Variants in OCIAD1 observed in about 807,000 individuals in gnomAD.
The protein encoded by OCIAD1 is OCIA domain-containing protein 1.
Under a neutral mutation model 38.9 loss-of-function variants are expected in OCIAD1, and 29 were observed. The ratio of observed to expected loss-of-function variants is 0.74; its 90% CI spans 0.55 to 1.02. The LOEUF is 1.02. Ranked by LOEUF, OCIAD1 falls within the 50% of genes least tolerant of loss-of-function variation. OCIAD1 has a pLI of 0.00. For missense variants in OCIAD1, 288 were observed against 289.6 expected (o/e 0.99, Z 0.04); for synonymous variants, 110 against 92.0 (o/e 1.20, Z -1.12).
chr4:48,836,759 C>T (rs988548790), intron 3 of OCIAD1, among the ~76,000 whole-genome samples: 4 of 152,148 alleles, frequency 2.6e-5, no homozygotes, highest in Non-Finnish European at 2.9e-5. Flanking sequence ...CACCAATATT[C>T]AGAGACTTGC....
At chr4:48,834,017 T>C (rs34552297) in intron 3 of OCIAD1, among the ~76,000 whole-genome samples, 1 of 152,226 alleles carries the variant, frequency 6.6e-6, no homozygotes, top group South Asian at 2.1e-4. Flanking sequence ...TATATATTTG[T>C]GTATATATAT....
At chr4:48,817,527 C>T (rs548730669) in intron 1 of OCIAD1, among the ~76,000 whole-genome samples, 20 of 152,014 alleles carry the variant, frequency 1.3e-4, no homozygotes, top group Admixed American at 2.0e-4. Context: ...GAGCTAACTG[C>T]AGAAGTATTT....
At chr4:48,819,746 GA>G (rs1777175125) in intron 1 of OCIAD1, among the ~76,000 whole-genome samples, 2 of 19,422 alleles carry the variant, frequency 1.0e-4, no homozygotes, top group African/African-American at 1.4e-4. Context: ...AAAAAAAAAG[GA>G]GGGGTTGCAA....
At chr4:48,844,961 GT>G (rs1035058196) in intron 4 of OCIAD1, among the ~76,000 whole-genome samples, 5 of 149,650 alleles carry the variant, frequency 3.3e-5, no homozygotes, top group Non-Finnish European at 4.5e-5. Flanking sequence ...TATAGATGCA[GT>G]TTTTTTTTTC....
chr4:48,829,976 A>G (rs916789600), upstream of OCIAD1, among the ~76,000 whole-genome samples: 6 of 152,238 alleles, frequency 3.9e-5, no homozygotes, highest in African/African-American at 1.4e-4. Flanking sequence ...ATTTCAGGGA[A>G]GGCATCACAA....
At chr4:48,852,111 T>C (rs1184917451) in intron 7 of OCIAD1, 136 bp downstream of exon 7, 8 of 643,074 alleles carry the variant, frequency 1.2e-5, no homozygotes, top group Non-Finnish European at 1.8e-5. Context: ...GCATGTTTGT[T>C]CATTTGTTTC....
At chr4:48,826,137 C>A (rs1220727973), upstream of OCIAD1, among the ~76,000 whole-genome samples, 2 of 152,042 alleles carry the variant, frequency 1.3e-5, no homozygotes, top group East Asian at 3.9e-4. Context: ...TGTGCTTGGC[C>A]TCCCTCCTAT....
chr4:48,821,751 T>C (rs1157936307), intron 1 of OCIAD1, among the ~76,000 whole-genome samples: 1 of 151,918 alleles, frequency 6.6e-6, no homozygotes, highest in Non-Finnish European at 1.5e-5. Context: ...ACACCAACAA[T>C]AGACAAGCAG....
At chr4:48,843,919 G>T (rs905502409) in intron 4 of OCIAD1, among the ~76,000 whole-genome samples, 24 of 152,176 alleles carry the variant, frequency 1.6e-4, no homozygotes, top group African/African-American at 3.9e-4. Flanking sequence ...TTCACTGGAG[G>T]AAACAAATGG....
intron 1 of OCIAD1, 134 bp from the exon 2 acceptor site, chr4:48,832,486 A>T: frequency 2.9e-6 from 2 of 698,128 alleles, no homozygotes; most frequent in South Asian, 3.3e-5. Flanking sequence ...TACGTAAGAT[A>T]TAGTAGTGTT....
intron 7 of OCIAD1, chr4:48,852,265 A>G (rs758866809): frequency 1.6e-5 from 4 of 256,848 alleles, no homozygotes; most frequent in Non-Finnish European, 2.2e-5. Flanking sequence ...AATTACTAGT[A>G]TGTCCCAGTA....
intron 8 of OCIAD1, among the ~76,000 whole-genome samples, chr4:48,859,764 C>G (rs1020477107): frequency 6.6e-6 from 1 of 152,104 alleles, no homozygotes; most frequent in Non-Finnish European, 1.5e-5. Flanking sequence ...GAAAGTGTCA[C>G]TTAAAGTTTT....
At chr4:48,826,515 G>C (rs373791702), upstream of OCIAD1, among the ~76,000 whole-genome samples, 3 of 152,094 alleles carry the variant, frequency 2.0e-5, no homozygotes, top group East Asian at 5.8e-4. Flanking sequence ...AGTATTCCTG[G>C]AATACTATAT....
Position 48,831,202 on chromosome 4 carries a change from C to T in OCIAD1, c.-53C>T, listed in dbSNP as rs181193258. ...GAGTCCACCCTCCGGGCCTTCTGCC[C>T]CTGATCGCTTGGTTTTCCTTGCAGT... is the stretch of plus-strand genomic sequence containing the variant. On this transcript the variant is annotated 5_prime_UTR_variant, in exon 1 of 9. Coordinates refer to ENST00000264312, the MANE Select transcript of OCIAD1 (RefSeq NM_017830.4). The T allele has an allele frequency of 2.7e-5, 9 of 338,632 alleles. No homozygotes were observed. In the East Asian group the frequency reaches 7.0e-4, roughly 26 times the overall value. 21.0% of individuals were successfully genotyped at this position (338,632 alleles called of 1,614,324 possible). A position where few individuals can be genotyped will look rare whatever the true frequency, so the allele number is the denominator to read the frequency against.
At chr4:48,830,249 G>C (rs1382580433), upstream of OCIAD1, among the ~76,000 whole-genome samples, 3 of 152,192 alleles carry the variant, frequency 2.0e-5, no homozygotes, top group Non-Finnish European at 4.4e-5. Context: ...TTCGTTTCAC[G>C]TGACTGTCTC....
At chr4:48,821,916 C>T (rs1461696567) in intron 1 of OCIAD1, among the ~76,000 whole-genome samples, 2 of 152,324 alleles carry the variant, frequency 1.3e-5, no homozygotes, top group East Asian at 3.9e-4. Context: ...AATGGAAAAA[C>T]ATTCCATGCT....
At chr4:48,827,838 T>C (rs75386701), upstream of OCIAD1, among the ~76,000 whole-genome samples, 1,009 of 152,356 alleles carry the variant, frequency 6.6e-3, 14 homozygotes, top group African/African-American at 0.023. Flanking sequence ...TGAAGCCAGC[T>C]GGGCTCCAGA....
At chr4:48,825,751 G>A (rs1391429131) in intron 1 of OCIAD1, among the ~76,000 whole-genome samples, 1 of 152,006 alleles carries the variant, frequency 6.6e-6, no homozygotes, top group East Asian at 1.9e-4. Flanking sequence ...TCTTGCTCTT[G>A]TATTTTCTCT....
chr4:48,833,321 A>AGGCTAAG (rs1777694231), intron 2 of OCIAD1, 80 bp from the exon 3 acceptor site: 1 of 826,466 alleles, frequency 1.2e-6, no homozygotes, highest in African/African-American at 1.7e-5. Context: ...GCCTCTTGTT[A>AGGCTAAG]ATGTTTAGGC....
Sources: gnomAD v4.1 joint callset for allele counts (sites outside exome capture counted in the v4.1 genomes callset) on GRCh38, gnomAD v4.1.1 for gene constraint, MANE v1.5 for transcripts, NCBI Gene and HGNC (gene_info 2026-07-23, HGNC 2026-07-21) for gene names.